Variants in MRPS25 observed in about 807,000 individuals in gnomAD.
MRPS25 encodes the protein mitochondrial ribosomal protein S25, also known as small ribosomal subunit protein mS25.
Under a neutral mutation model 17.3 loss-of-function variants are expected in MRPS25, and 15 were observed. The ratio of observed to expected loss-of-function variants is 0.87; its 90% CI spans 0.58 to 1.34. The LOEUF is 1.34. Ranked by LOEUF, MRPS25 falls within the 40% of genes most tolerant of loss-of-function variation. The pLI, the probability that MRPS25 is intolerant of heterozygous loss-of-function variation, is 0.00. For synonymous variants in MRPS25, 94 were observed against 83.3 expected (o/e 1.13, Z -0.70); for missense variants, 225 against 218.6 (o/e 1.03, Z -0.19).
At chr3:15,044,058 G>A (rs1231768359), downstream of MRPS25, 2 of 152,162 alleles carry the variant, frequency 1.3e-5, no homozygotes, top group Admixed American at 6.5e-5. Flanking sequence ...CCTTCCCAGG[G>A]CTTTCCACTC....
At chr3:15,058,788 G>A (rs550396714) in intron 2 of MRPS25, among the ~76,000 whole-genome samples, 3 of 152,290 alleles carry the variant, frequency 2.0e-5, no homozygotes, top group African/African-American at 7.2e-5. Flanking sequence ...CAAAGTGTCT[G>A]AGAGCTGGGC....
Position 15,051,259 on chromosome 3 carries a change from C to G in MRPS25, c.*1182G>C. ...AGTGCAGTAGCGCACGATCATGATT[C>G]ACTGCAGCCTTGATCTCGCAGGCTC... On this transcript the variant is annotated 3_prime_UTR_variant, in exon 4 of 4. Transcript: ENST00000253686. 1 of 875,858 alleles carries G rather than the reference C, an allele frequency of 1.1e-6. No individual in the cohort carries two copies. The highest frequency in any genetic ancestry group is 5.2e-5 in the South Asian group (1 of 19,154). 54.3% of individuals were successfully genotyped at this position (875,858 alleles called of 1,614,324 possible).
chr3:15,065,253 G>A lies in MRPS25; in HGVS notation c.-59C>T. On this transcript the variant is annotated 5_prime_UTR_variant, in exon 1 of 4. Coordinates refer to ENST00000253686, the MANE Select transcript of MRPS25 (RefSeq NM_022497.5). ...CGCGAGCCGAGCAGCGACGAGAAAG[G>A]ACTAGCTAGCACCCGCGCGGATCTC... 2 of 1,516,942 alleles carry A rather than the reference G, an allele frequency of 1.3e-6. No homozygotes were observed. The highest frequency in any genetic ancestry group is 1.8e-6 in the Non-Finnish European group (2 of 1,132,556). 94.0% of individuals were successfully genotyped at this position (1,516,942 alleles called of 1,614,324 possible).
intron 2 of MRPS25, among the ~76,000 whole-genome samples, chr3:15,057,063 G>A (rs986325895): frequency 1.3e-5 from 2 of 152,212 alleles, no homozygotes; most frequent in African/African-American, 2.4e-5. Flanking sequence ...TGGCAGCCAG[G>A]AGGCCCACCA....
chr3:15,045,258 A>G (rs976724635), downstream of MRPS25: 3 of 152,232 alleles, frequency 2.0e-5, no homozygotes, highest in African/African-American at 7.2e-5. Flanking sequence ...GAATACAAGC[A>G]TAACAGCTTT....
In MRPS25 at chr3:15,059,374, T is replaced by A; in HGVS notation, c.236A>T (p.Tyr79Phe). 1 of 1,610,708 alleles carries A rather than the reference T, an allele frequency of 6.2e-7. No homozygotes were observed. Among genetic ancestry groups the A allele is most frequent in the Non-Finnish European group, 8.5e-7 (1 of 1,177,258 alleles). Reference protein sequence around the residue: ...NMTPSPFLRFYLDSGEQVLVD... With the variant: ...NMTPSPFLRFFLDSGEQVLVD... ...ATGGCGAGGGCCCCACTCACCTAAGTAGAATCGCAGGAAGGGTGACGGCGT... is the reference window on the plus strand; with the variant it reads ...ATGGCGAGGGCCCCACTCACCTAAGAAGAATCGCAGGAAGGGTGACGGCGT... The change falls in exon 2 of 4, where the codon TAC becomes TTC. Residue 79 changes from tyrosine to phenylalanine, a missense_variant. Physicochemically the swap from Tyr to Phe is conservative, Grantham distance 22. Transcript: ENST00000253686.
At chr3:15,061,412 T>C (rs1202971159) in intron 1 of MRPS25, among the ~76,000 whole-genome samples, 1 of 152,198 alleles carries the variant, frequency 6.6e-6, no homozygotes, top group Non-Finnish European at 1.5e-5. Flanking sequence ...GAGACGGGGT[T>C]TCGCTGTGTT....
At chr3:15,062,570 C>A (rs1660647588) in intron 1 of MRPS25, among the ~76,000 whole-genome samples, 1 of 151,912 alleles carries the variant, frequency 6.6e-6, no homozygotes, top group South Asian at 2.1e-4. Context: ...GGGAGGTGTG[C>A]CCAACAGCTC....
Position 15,065,252 on chromosome 3 carries a change from G to C in MRPS25, c.-58C>G, listed in dbSNP as rs970072260. 9.9e-6 allele frequency: 15 copies of C among 1,516,112 alleles called. No individual in the cohort carries two copies. The highest frequency in any genetic ancestry group is 5.0e-5 in the South Asian group (4 of 80,254). The allele number at this position is 1,516,112 out of a possible 1,614,324, so 93.9% of individuals were successfully genotyped here. A position where few individuals can be genotyped will look rare whatever the true frequency, so the allele number is the denominator to read the frequency against. ...CCGCGAGCCGAGCAGCGACGAGAAA[G>C]GACTAGCTAGCACCCGCGCGGATCT... is the stretch of plus-strand genomic sequence containing the variant. On this transcript the variant is annotated 5_prime_UTR_variant, in exon 1 of 4. Transcript: ENST00000253686.
rs1231894337 is a variant in MRPS25 at position 15,050,103 on chromosome 3, G to C, written c.*2338C>G. 7.2e-7 allele frequency: 1 copy of C among 1,395,214 alleles called. No individual in the cohort carries two copies. Among genetic ancestry groups the C allele is most frequent in the Non-Finnish European group, 9.2e-7 (1 of 1,087,808 alleles). 86.4% of individuals were successfully genotyped at this position (1,395,214 alleles called of 1,614,324 possible). On this transcript the variant is annotated 3_prime_UTR_variant, in exon 4 of 4. Transcript: ENST00000253686. ...TCTTTCATCACTACTAAACAAAATA[G>C]GGAAAGACAAAGGTTTAAAGAGAAA...
In MRPS25 at chr3:15,065,204, G is replaced by C. The variant is rs772686837; in HGVS notation, c.-10C>G. On this transcript the variant is annotated 5_prime_UTR_variant, in exon 1 of 4. Transcript: ENST00000253686. ...GGCCCTTCATGGGCATGGCGGCAAC[G>C]GTGGCGGGGCCGACCCCACGGGCCG... is the stretch of plus-strand genomic sequence containing the variant. The C allele has an allele frequency of 1.3e-6, 2 of 1,584,882 alleles. No homozygotes were observed. The highest frequency in any genetic ancestry group is 1.7e-6 in the Non-Finnish European group (2 of 1,167,648).
At chr3:15,058,295 T>C (rs1358065605) in intron 2 of MRPS25, among the ~76,000 whole-genome samples, 1 of 152,060 alleles carries the variant, frequency 6.6e-6, no homozygotes, top group East Asian at 1.9e-4. Flanking sequence ...GTTCACACCA[T>C]TCTCCTGCCT....
In MRPS25 at chr3:15,049,652, C is replaced by CAAAAACAAGCTCCA. The variant is rs2125130018; in HGVS notation, c.*2775_*2788dup. 3 of 533,602 alleles carry CAAAAACAAGCTCCA rather than the reference C, an allele frequency of 5.6e-6. No individual in the cohort carries two copies. The East Asian group carries it at 1.0e-4, about 18-fold the overall frequency. 33.1% of individuals were successfully genotyped at this position (533,602 alleles called of 1,614,324 possible). On this transcript the variant is annotated 3_prime_UTR_variant, in exon 4 of 4. Transcript: ENST00000253686. ...CTCTAAGGATACGTGCTATCAAGGG[C>CAAAAACAAGCTCCA]AAAAACAAGCTCCAAAAGTTTCAGA...
chr3:15,044,709 G>C (rs1323404527), downstream of MRPS25: 1 of 152,262 alleles, frequency 6.6e-6, no homozygotes, highest in Non-Finnish European at 1.5e-5. Flanking sequence ...GCTCTGATCT[G>C]GCTCAGGCTG....
chr3:15,062,017 C>G (rs1367934281), intron 1 of MRPS25, among the ~76,000 whole-genome samples: 2 of 149,258 alleles, frequency 1.3e-5, no homozygotes, highest in African/African-American at 2.5e-5. Context: ...CGTCTCCGCC[C>G]GGCAGCCGCC....
chr3:15,056,192 G>A (rs1477087169), intron 2 of MRPS25, among the ~76,000 whole-genome samples: 1 of 151,458 alleles, frequency 6.6e-6, no homozygotes, highest in African/African-American at 2.4e-5. Flanking sequence ...TCCAGCCTGG[G>A]CGACAGAGCG....
chr3:15,047,842 G>A (rs1473111773), downstream of MRPS25: 1 of 152,176 alleles, frequency 6.6e-6, no homozygotes, highest in African/African-American at 2.4e-5. Context: ...CTTTCTATAA[G>A]TTATGATTTT....
rs558075435 is a variant in MRPS25, at chr3:15,049,667, A to G, written c.*2774T>C. On this transcript the variant is annotated 3_prime_UTR_variant, in exon 4 of 4. Transcript: ENST00000253686. ...CTATCAAGGGCAAAAACAAGCTCCA[A>G]AAGTTTCAGAAGTTAGAACATATTC... The G allele has an allele frequency of 5.6e-6, 3 of 538,168 alleles. No individual in the cohort carries two copies. The highest frequency in any genetic ancestry group is 4.7e-4 in the Middle Eastern group (1 of 2,140). 33.3% of individuals were successfully genotyped at this position (538,168 alleles called of 1,614,324 possible). A position where few individuals can be genotyped will look rare whatever the true frequency, so the allele number is the denominator to read the frequency against.
In MRPS25 at chr3:15,051,862, T is replaced by C; in HGVS notation, c.*579A>G. 1 of 984,946 alleles carries C rather than the reference T, an allele frequency of 1.0e-6. No individual in the cohort carries two copies. Among genetic ancestry groups the C allele is most frequent in the Non-Finnish European group, 1.2e-6 (1 of 829,940 alleles). The allele number at this position is 984,946 out of a possible 1,614,324, so 61.0% of individuals were successfully genotyped here. ...CCTGTCAGCCACTGGGGCTCCTCCA[T>C]CTCTGGCCCATGGCTAGGCCCCCCA... On this transcript the variant is annotated 3_prime_UTR_variant, in exon 4 of 4. Transcript: ENST00000253686.
Sources: gnomAD v4.1 joint callset for allele counts (sites outside exome capture counted in the v4.1 genomes callset) on GRCh38, gnomAD v4.1.1 for gene constraint, MANE v1.5 for transcripts, NCBI Gene and HGNC (gene_info 2026-07-23, HGNC 2026-07-21) for gene names.